SPATA4: variants seen among roughly 807,000 people sequenced by gnomAD.
The protein encoded by SPATA4 is spermatogenesis associated 4.
A neutral mutation model predicts 31.8 loss-of-function variants in SPATA4; 35 were observed. The ratio of observed to expected loss-of-function variants is 1.10; its 90% confidence interval spans 0.84 to 1.46. The LOEUF (loss-of-function observed/expected upper bound fraction) is 1.46. Among genes scored for constraint, SPATA4 ranks in the 40% most tolerant of loss-of-function variants. The pLI is 0.00. For missense variants in SPATA4, 394 were observed against 363.1 expected (o/e 1.09, Z -0.69); for synonymous variants, 126 against 132.4 (o/e 0.95, Z 0.33).
At chr4:176,191,101 T>G (rs1001861282) in intron 4 of SPATA4, among the ~76,000 whole-genome samples, 1 of 150,036 alleles carries the variant, frequency 6.7e-6, no homozygotes, top group African/African-American at 2.4e-5. Flanking sequence ...TATAGATTTT[T>G]TTTTTTTTTT....
intron 4 of SPATA4, among the ~76,000 whole-genome samples, chr4:176,188,860 G>C (rs947087409): frequency 3.3e-5 from 5 of 152,132 alleles, no homozygotes; most frequent in Non-Finnish European, 7.4e-5. Context: ...CTTCACTGAG[G>C]CTTGAAGAAG....
Position 176,184,863 on chromosome 4 carries a change from T to C in SPATA4, c.835A>G (p.Arg279Gly). 1 of 1,576,008 alleles carries C rather than the reference T, an allele frequency of 6.3e-7. No homozygotes were observed. The highest frequency in any genetic ancestry group is 8.6e-7 in the Non-Finnish European group (1 of 1,157,024). Residue 279 changes from arginine to glycine, a missense_variant, in exon 6 of 6, where the codon AGA becomes GGA. Coordinates refer to ENST00000280191, the MANE Select transcript of SPATA4 (RefSeq NM_144644.4). ...CCAGCTTGCTTCACATGTATTTCTC[T>C]ATGTGAACTGCCACCACTACCTATA... ...PNIGSGGSSH[R>G]EIHVKQAGQH... is the part of the protein sequence containing the mutation.
intron 4 of SPATA4, among the ~76,000 whole-genome samples, chr4:176,189,895 C>A (rs1379764473): frequency 6.6e-6 from 1 of 152,122 alleles, no homozygotes; most frequent in African/African-American, 2.4e-5. Flanking sequence ...TCAGCAAGAC[C>A]CCTGTCTCAA....
chr4:176,192,792 G>A lies in SPATA4; in HGVS notation c.523C>T (p.Arg175Cys), dbSNP rs553655404. The A allele has an allele frequency of 1.1e-5, 17 of 1,613,926 alleles. No individual in the cohort carries two copies. Among genetic ancestry groups the A allele is most frequent in the African/African-American group, 8.0e-5 (6 of 74,906 alleles). The change falls in exon 4 of 6, where the codon CGT (arginine) becomes TGT (cysteine). Residue 175 changes from arginine to cysteine, a missense_variant. Transcript: ENST00000280191. ...VNFTDYSYQM[R>C]LPLVSRSTVS... ...GTAGACCTGGAAACCAGGGGTAAAC[G>A]CATCTGGTAGCTATAGTCCGTGAAA...
intron 4 of SPATA4, among the ~76,000 whole-genome samples, chr4:176,191,917 T>C (rs1396302474): frequency 6.6e-6 from 1 of 152,206 alleles, no homozygotes; most frequent in African/African-American, 2.4e-5. Context: ...GAAATCCTAA[T>C]GACCTACATC....
At chr4:176,192,547 T>C (rs760095201) in intron 4 of SPATA4, 80 bp downstream of exon 4, 1 of 1,200,168 alleles carries the variant, frequency 8.3e-7, no homozygotes, top group Non-Finnish European at 1.2e-6. Flanking sequence ...AATGGGCCAG[T>C]GCCGACATTT....
At chr4:176,188,016 A>C (rs1752471567) in intron 5 of SPATA4, 103 bp downstream of exon 5, 1 of 815,444 alleles carries the variant, frequency 1.2e-6, no homozygotes. Context: ...CTGAATGTTG[A>C]CCTATACCAA....
At chr4:176,193,610 T>TA (rs1561240948) in intron 1 of SPATA4, 28 bp from the exon 2 acceptor site, 5 of 1,572,428 alleles carry the variant, frequency 3.2e-6, no homozygotes, top group Non-Finnish European at 3.4e-6. Context: ...GGAAATGAAA[T>TA]AAAGTGTAGT....
At chr4:176,186,590 A>G (rs1752444641) in intron 5 of SPATA4, among the ~76,000 whole-genome samples, 2 of 152,320 alleles carry the variant, frequency 1.3e-5, no homozygotes, top group South Asian at 4.1e-4. Flanking sequence ...GTTGGATTCT[A>G]TTATGTTTAC....
chr4:176,186,959 C>T (rs1164181962), intron 5 of SPATA4, among the ~76,000 whole-genome samples: 1 of 152,120 alleles, frequency 6.6e-6, no homozygotes, highest in Non-Finnish European at 1.5e-5. Flanking sequence ...AGTCCACACA[C>T]ATTTTCTGTA....
intron 4 of SPATA4, 37 bp from the exon 5 acceptor site, chr4:176,188,272 G>C: frequency 7.8e-7 from 1 of 1,273,978 alleles, no homozygotes. Flanking sequence ...TTCTTAAAAA[G>C]CCATAATGGC....
chr4:176,192,515 AACCAGTT>A, intron 4 of SPATA4, 105 bp downstream of exon 4: 1 of 790,338 alleles, frequency 1.3e-6, no homozygotes, highest in Non-Finnish European at 2.1e-6. Flanking sequence ...TTTCCCTTTA[AACCAGTT>A]ACAGAAGATA....
intron 4 of SPATA4, among the ~76,000 whole-genome samples, chr4:176,188,906 G>A (rs1752486514): frequency 6.6e-6 from 1 of 152,110 alleles, no homozygotes; most frequent in South Asian, 2.1e-4. Flanking sequence ...GTCATGCTCT[G>A]TCAACACTAA....
intron 4 of SPATA4, among the ~76,000 whole-genome samples, chr4:176,189,238 A>C (rs1752490719): frequency 6.6e-6 from 1 of 152,220 alleles, no homozygotes; most frequent in South Asian, 2.1e-4. Flanking sequence ...GGTGGCAGCG[A>C]GGGATCAGTG....
At chr4:176,193,370 C>T in intron 2 of SPATA4, 83 bp downstream of exon 2, 2 of 1,514,016 alleles carry the variant, frequency 1.3e-6, no homozygotes, top group Non-Finnish European at 8.9e-7. Flanking sequence ...CACACACATA[C>T]ACGTAGAGAT....
chr4:176,193,740 G>T, intron 1 of SPATA4, 158 bp from the exon 2 acceptor site: 2 of 660,030 alleles, frequency 3.0e-6, no homozygotes, highest in Non-Finnish European at 4.6e-6. Context: ...GTGGAATTTT[G>T]CTAAGATTAT....
rs894209148 is a variant in SPATA4 at position 176,184,960 on chromosome 4, A to G, written c.806-68T>C. On this transcript the variant is annotated intron_variant, in intron 5 of 5. Coordinates refer to ENST00000280191, the MANE Select transcript of SPATA4 (RefSeq NM_144644.4). ...ACTAAATATTCATACAAGCATCAAC[A>G]TGTCTAATGTATCAAATATATGCAG... The G allele has an allele frequency of 2.0e-5, 18 of 878,224 alleles. No homozygotes were observed. The African/African-American group carries it at 2.4e-4, about 11-fold the overall frequency. The allele number at this position is 878,224 out of a possible 1,614,324, so 54.4% of individuals were successfully genotyped here. A position where few individuals can be genotyped will look rare whatever the true frequency, so the allele number is the denominator to read the frequency against.
intron 4 of SPATA4, among the ~76,000 whole-genome samples, chr4:176,191,440 A>G (rs542400535): frequency 1.3e-5 from 2 of 152,298 alleles, no homozygotes; most frequent in South Asian, 4.1e-4. Flanking sequence ...GCAGGATGAT[A>G]GTTACTCTTG....
In SPATA4 at chr4:176,195,231, G is replaced by C. The variant is rs181117492; in HGVS notation, c.218+114C>G. On this transcript the variant is annotated intron_variant, in intron 1 of 5. Transcript: ENST00000280191. The stretch of plus-strand genomic sequence containing the variant: ...TTTTCGTGTGTGTACGTGGGTGGGG[G>C]GGTCTTGATTTGAAACATAAGCCAG... The C allele has an allele frequency of 4.4e-3, 3,848 of 881,404 alleles. 19 individuals carry two copies. The highest frequency in any genetic ancestry group is 0.013 in the Admixed American group (619 of 46,924). The allele number at this position is 881,404 out of a possible 1,614,324, so 54.6% of individuals were successfully genotyped here.
Sources: allele counts gnomAD v4.1 joint callset (sites outside exome capture counted in the v4.1 genomes callset), GRCh38; gene constraint gnomAD v4.1.1; transcripts MANE v1.5; gene names NCBI Gene and HGNC (gene_info 2026-07-23, HGNC 2026-07-21).